Variants in SHISAL2B observed in about 807,000 individuals in gnomAD.
SHISAL2B encodes shisa like 2B.
SHISAL2B carries 12 observed loss-of-function variants against 16.5 expected under a neutral mutation model. The observed-to-expected ratio is 0.73, with a 90% CI of 0.47 to 1.18. SHISAL2B has a LOEUF of 1.18. Among genes scored for constraint, SHISAL2B ranks in the 50% most tolerant of loss-of-function variants. SHISAL2B has a pLI of 0.00. For missense variants in SHISAL2B, 183 were observed against 193.6 expected (o/e 0.95, Z 0.33); for synonymous variants, 72 against 75.0 (o/e 0.96, Z 0.21).
In SHISAL2B at chr5:64,690,651, G is replaced by C; in HGVS notation, c.28G>C (p.Gly10Arg). ...GAGCGAGGCCAGCCGACTGTGCTCC[G>C]GCTACTACAGCCTCAACCAGAGCTT... The part of the protein sequence containing the change: MSEASRLCS[G>R]YYSLNQSFVE... The change falls in exon 1 of 3, where the codon GGC (glycine) becomes CGC (arginine). Residue 10 changes from glycine (G) to arginine (R), a missense_variant. Gly to Arg is a moderately radical substitution (Grantham distance 125). Coordinates refer to ENST00000389074, the MANE Select transcript of SHISAL2B (RefSeq NM_001164442.2). 1.3e-6 allele frequency: 2 copies of C among 1,522,118 alleles called. No individual in the cohort carries two copies. The highest frequency in any genetic ancestry group is 8.8e-7 in the Non-Finnish European group (1 of 1,138,260). The allele number at this position is 1,522,118 out of a possible 1,614,324, so 94.3% of individuals were successfully genotyped here.
rs765562502 is a variant in SHISAL2B at position 64,711,317 on chromosome 5, T to C, written c.350-6572T>C. ...TAATCATGTGGTTTTTGTCTTTGGTTCTGTTTATATGCTGGATTACATTTA... is the reference window on the plus strand; with the variant it reads ...TAATCATGTGGTTTTTGTCTTTGGTCCTGTTTATATGCTGGATTACATTTA... On this transcript the variant is annotated intron_variant, in intron 2 of 2. Transcript: ENST00000389074. Among the ~76,000 whole-genome samples, 914 of 148,806 alleles carry C rather than the reference T, an allele frequency of 6.1e-3. 13 individuals carry two copies. Among genetic ancestry groups the C allele is most frequent in the Non-Finnish European group, 9.2e-3 (622 of 67,944 alleles).
intron 2 of SHISAL2B, among the ~76,000 whole-genome samples, chr5:64,710,945 G>A (rs1391924793): frequency 0.022 from 2,951 of 133,670 alleles, 81 homozygotes; most frequent in African/African-American, 0.077. Context: ...GGGCTGAGAC[G>A]ATGGGGTTTT....
At chr5:64,714,816 G>C (rs774293653) in intron 2 of SHISAL2B, among the ~76,000 whole-genome samples, 1 of 152,092 alleles carries the variant, frequency 6.6e-6, no homozygotes, top group African/African-American at 2.4e-5. Context: ...AGGTGTGTCC[G>C]TCACCCCTTT....
chr5:64,709,417 T>G (rs1741922650), intron 2 of SHISAL2B, among the ~76,000 whole-genome samples: 1 of 148,080 alleles, frequency 6.8e-6, no homozygotes, highest in Admixed American at 6.7e-5. Context: ...TGTGCCACAT[T>G]TTCTTAATCC....
At chr5:64,707,646 G>C (rs1347735277) in intron 2 of SHISAL2B, among the ~76,000 whole-genome samples, 1 of 152,118 alleles carries the variant, frequency 6.6e-6, no homozygotes. Context: ...CCAAATTCTG[G>C]AGAAATCAGG....
intron 1 of SHISAL2B, 100 bp downstream of exon 1, chr5:64,690,914 C>T (rs1741638779): frequency 1.9e-6 from 2 of 1,062,506 alleles, no homozygotes; most frequent in African/African-American, 3.3e-5. Context: ...CCCGCGTCCC[C>T]GCTATCCGCC....
Position 64,704,819 on chromosome 5 carries a change from A to G in SHISAL2B, c.349+9155A>G, listed in dbSNP as rs1741854301. ...TGAGATATTTTCATCTTTCTCTTTTAAAATTATCCCAGAGTTGCAGTTAGC... is the reference window on the plus strand; with the variant it reads ...TGAGATATTTTCATCTTTCTCTTTTGAAATTATCCCAGAGTTGCAGTTAGC... On this transcript the variant is annotated intron_variant, in intron 2 of 2. Transcript: ENST00000389074. 2.0e-5 allele frequency among the ~76,000 whole-genome samples: 3 copies of G among 152,122 alleles called. No individual in the cohort carries two copies. In the South Asian group the frequency reaches 6.2e-4, roughly 32 times the overall value.
intron 2 of SHISAL2B, among the ~76,000 whole-genome samples, chr5:64,700,312 G>A (rs184610335): frequency 4.3e-4 from 65 of 152,214 alleles, no homozygotes; most frequent in African/African-American, 1.5e-3. Flanking sequence ...AGATTGGTTC[G>A]AAGACCCCCT....
At chr5:64,695,476 G>A in intron 1 of SHISAL2B, 31 bp from the exon 2 acceptor site, 1 of 1,500,960 alleles carries the variant, frequency 6.7e-7, no homozygotes, top group Non-Finnish European at 8.9e-7. Context: ...ACCACTTTGT[G>A]TGACACATAT....
At chr5:64,694,162 A>C (rs1580517895) in intron 1 of SHISAL2B, 1 of 450,328 alleles carries the variant, frequency 2.2e-6, no homozygotes, top group Non-Finnish European at 4.4e-6. Flanking sequence ...ATGAAGAAAA[A>C]GATCATTACT....
chr5:64,708,811 G>A (rs1046092039), intron 2 of SHISAL2B, among the ~76,000 whole-genome samples: 8 of 152,030 alleles, frequency 5.3e-5, no homozygotes, highest in African/African-American at 1.9e-4. Flanking sequence ...TAGCTTTTAA[G>A]AATCAAATTA....
In SHISAL2B at chr5:64,690,516, G is replaced by A; in HGVS notation, c.-108G>A. 2 of 897,932 alleles carry A rather than the reference G, an allele frequency of 2.2e-6. No homozygotes were observed. The highest frequency in any genetic ancestry group is 3.1e-6 in the Non-Finnish European group (2 of 650,088). The allele number at this position is 897,932 out of a possible 1,614,324, so 55.6% of individuals were successfully genotyped here. ...GCCCAGGCAGCCAGAGCCCAGATCG[G>A]AAGAGCCGAGTCCGGGCAGAGGGGT... On this transcript the variant is annotated 5_prime_UTR_variant, in exon 1 of 3. Transcript: ENST00000389074.
chr5:64,695,995 GA>G (rs1316082165), intron 2 of SHISAL2B, among the ~76,000 whole-genome samples: 1 of 152,200 alleles, frequency 6.6e-6, no homozygotes, highest in East Asian at 1.9e-4. Context: ...TGGAGTCAAA[GA>G]AGTCAAATTG....
At chr5:64,699,798 A>G (rs990375) in intron 2 of SHISAL2B, among the ~76,000 whole-genome samples, 48,972 of 152,086 alleles carry the variant, frequency 0.32, 8,238 homozygotes, top group East Asian at 0.51. Flanking sequence ...CTAGTCTAAT[A>G]TTAGACTATT....
intron 2 of SHISAL2B, among the ~76,000 whole-genome samples, chr5:64,699,536 A>G (rs1741780783): frequency 6.6e-6 from 1 of 152,224 alleles, no homozygotes; most frequent in Non-Finnish European, 1.5e-5. Flanking sequence ...CTTGAAGGTT[A>G]GGAATATAAT....
At chr5:64,696,683 A>G (rs1741741307) in intron 2 of SHISAL2B, among the ~76,000 whole-genome samples, 1 of 152,144 alleles carries the variant, frequency 6.6e-6, no homozygotes, top group Non-Finnish European at 1.5e-5. Flanking sequence ...CCTCAGGCTT[A>G]TTAGGGTGAG....
chr5:64,711,455 G>C (rs275813), intron 2 of SHISAL2B, among the ~76,000 whole-genome samples: 23,362 of 142,086 alleles, frequency 0.16, 2,413 homozygotes, highest in Non-Finnish European at 0.23. Flanking sequence ...TTTTATTGAG[G>C]ATTTTTGCAT....
At chr5:64,712,196 A>G (rs1351680632) in intron 2 of SHISAL2B, among the ~76,000 whole-genome samples, 2 of 147,960 alleles carry the variant, frequency 1.4e-5, no homozygotes, top group East Asian at 4.0e-4. Context: ...ATTTCCCTCT[A>G]CACACTGCTT....
chr5:64,692,603 C>T (rs888016683), intron 1 of SHISAL2B, among the ~76,000 whole-genome samples: 18 of 152,062 alleles, frequency 1.2e-4, no homozygotes, highest in African/African-American at 4.1e-4. Context: ...AGTCACTAGC[C>T]CTTGTTTTGA....
Sources: gnomAD v4.1 joint callset for allele counts (sites outside exome capture counted in the v4.1 genomes callset) on GRCh38, gnomAD v4.1.1 for gene constraint, MANE v1.5 for transcripts, NCBI Gene and HGNC (gene_info 2026-07-23, HGNC 2026-07-21) for gene names.